CNTN4: variants seen among roughly 807,000 people sequenced by gnomAD.
The protein encoded by CNTN4 is contactin 4.
A neutral mutation model predicts 122.5 loss-of-function variants in CNTN4; 77 were observed. That is an observed-to-expected ratio of 0.63 (90% confidence interval 0.52 to 0.76). The LOEUF (loss-of-function observed/expected upper bound fraction) is 0.76. CNTN4 is among the 30% of genes least tolerant of loss of function. CNTN4 has a pLI of 0.00. For synonymous variants in CNTN4, 512 were observed against 447.0 expected, an observed-to-expected ratio of 1.15 and a Z score of -1.83; for missense variants, 1,256 against 1,259.1, an observed-to-expected ratio of 1.00 and a Z score of 0.04.
chr3:2,693,562 G>T (rs975660326), intron 4 of CNTN4, among the ~76,000 whole-genome samples: 4 of 152,180 alleles, frequency 2.6e-5, no homozygotes, highest in African/African-American at 9.7e-5. Flanking sequence ...GCACCTAGCA[G>T]TGTCTGTTCA....
At chr3:2,647,219 A>G (rs113861645) in intron 4 of CNTN4, among the ~76,000 whole-genome samples, 394 of 152,072 alleles carry the variant, frequency 2.6e-3, no homozygotes, top group Non-Finnish European at 4.7e-3. Context: ...CGTCCCTACT[A>G]AAAATACAAA....
intron 12 of CNTN4, among the ~76,000 whole-genome samples, chr3:2,915,724 AG>A (rs1159091481): frequency 3.3e-5 from 5 of 152,230 alleles, no homozygotes; most frequent in Non-Finnish European, 7.3e-5. Flanking sequence ...AACTGAAAAC[AG>A]CATCCTGAAG....
chr3:2,220,767 A>G (rs987827183), intron 2 of CNTN4, among the ~76,000 whole-genome samples: 5 of 152,102 alleles, frequency 3.3e-5, no homozygotes, highest in Admixed American at 2.6e-4. Flanking sequence ...ATAAATGCCA[A>G]TTACCATCAA....
chr3:2,218,995 A>G (rs1421478842), intron 2 of CNTN4, among the ~76,000 whole-genome samples: 1 of 152,222 alleles, frequency 6.6e-6, no homozygotes, highest in African/African-American at 2.4e-5. Flanking sequence ...AGGTTTCAAG[A>G]AACGATAAGC....
chr3:2,200,314 G>A lies in CNTN4; in HGVS notation c.-145+99675G>A, dbSNP rs200436829. On this transcript the variant is annotated intron_variant, in intron 2 of 24. Transcript: ENST00000418658. ...GAAATCAAAGTCTTAGTAAACTTTG[G>A]TAAGTCACTTAAATATTTCTAGTAA... Among the ~76,000 whole-genome samples, 36 of 152,272 alleles carry A rather than the reference G, an allele frequency of 2.4e-4. No homozygotes were observed. In the East Asian group the frequency reaches 4.6e-3, roughly 20 times the overall value.
intron 4 of CNTN4, among the ~76,000 whole-genome samples, chr3:2,658,631 G>A (rs7637377): frequency 0.21 from 32,122 of 151,972 alleles, 5,283 homozygotes; most frequent in African/African-American, 0.46. Context: ...CAAACCATGA[G>A]CATTTGTACC....
intron 2 of CNTN4, among the ~76,000 whole-genome samples, chr3:2,338,480 C>T (rs1388512331): frequency 1.3e-5 from 2 of 151,678 alleles, no homozygotes; most frequent in East Asian, 1.9e-4. Context: ...GTTATTAAAA[C>T]TATAAGACAG....
chr3:2,747,450 C>G (rs1308815879), intron 6 of CNTN4, among the ~76,000 whole-genome samples: 1 of 138,066 alleles, frequency 7.2e-6, no homozygotes, highest in South Asian at 2.5e-4. Context: ...AAATACTATA[C>G]CCAAACTTCT....
chr3:2,701,518 A>G (rs2086358033), intron 4 of CNTN4, among the ~76,000 whole-genome samples: 1 of 152,202 alleles, frequency 6.6e-6, no homozygotes, highest in African/African-American at 2.4e-5. Flanking sequence ...CTGAAGATCC[A>G]CTTATCCAAT....
At position 3,008,885 on chromosome 3, in the gene CNTN4, G is replaced by C. The variant is rs1696904799; in HGVS notation, c.1487-17217G>C. 4.3e-6 allele frequency: 4 copies of C among 926,964 alleles called. No homozygotes were observed. The African/African-American group carries it at 7.1e-5, about 17-fold the overall frequency. The allele number at this position is 926,964 out of a possible 1,614,324, so 57.4% of individuals were successfully genotyped here. ...GGCATTCGGGTTTCCCATTGTCCTC[G>C]GCATTCTAGGGCAAACCACCAAGAT... On this transcript the variant is annotated intron_variant, in intron 14 of 24. Coordinates refer to ENST00000418658, the MANE Select transcript of CNTN4 (RefSeq NM_175607.3).
intron 2 of CNTN4, among the ~76,000 whole-genome samples, chr3:2,323,522 C>T (rs551091116): frequency 1.3e-5 from 2 of 152,258 alleles, no homozygotes; most frequent in African/African-American, 2.4e-5. Context: ...TCTTCCATTG[C>T]TTGTAGCTCT....
intron 2 of CNTN4, among the ~76,000 whole-genome samples, chr3:2,183,210 G>T (rs1290360253): frequency 6.6e-6 from 1 of 151,822 alleles, no homozygotes; most frequent in Non-Finnish European, 1.5e-5. Flanking sequence ...TACATGATAT[G>T]ACAGCCGTGA....
intron 6 of CNTN4, among the ~76,000 whole-genome samples, chr3:2,815,481 A>G (rs1043849138): frequency 2.0e-5 from 3 of 152,190 alleles, no homozygotes; most frequent in Non-Finnish European, 4.4e-5. Flanking sequence ...GCCAAAAAAC[A>G]TAGGAAAAAT....
chr3:2,108,251 G>A (rs1196174407), intron 2 of CNTN4, among the ~76,000 whole-genome samples: 1 of 144,870 alleles, frequency 6.9e-6, no homozygotes, highest in Non-Finnish European at 1.5e-5. Context: ...GTTTATTACA[G>A]TTTGCACAAT....
At chr3:2,870,390 G>A (rs2093771105) in intron 8 of CNTN4, among the ~76,000 whole-genome samples, 1 of 152,172 alleles carries the variant, frequency 6.6e-6, no homozygotes, top group African/African-American at 2.4e-5. Context: ...TTACACTGGA[G>A]TATATAAAAT....
chr3:2,866,896 T>C lies in CNTN4; in HGVS notation c.599T>C (p.Val200Ala). The change falls in exon 8 of 25, where the codon GTG becomes GCG. Residue 200 changes from valine (V) to alanine (A), a missense_variant. Transcript: ENST00000418658. The stretch of plus-strand genomic sequence containing the variant: ...TATACCTGTGTGGTTACCAATACCG[T>C]GACAAACCACAAGGTCCTGGGGCCA... ...GNYTCVVTNT[V>A]TNHKVLGPPT... 3 of 1,614,072 alleles carry C rather than the reference T, an allele frequency of 1.9e-6. No individual in the cohort carries two copies. Among genetic ancestry groups the C allele is most frequent in the Non-Finnish European group, 2.5e-6 (3 of 1,179,952 alleles).
chr3:2,191,223 C>G (rs1313525420), intron 2 of CNTN4, among the ~76,000 whole-genome samples: 1 of 151,500 alleles, frequency 6.6e-6, no homozygotes, highest in Non-Finnish European at 1.5e-5. Context: ...CACGTGGAAC[C>G]ATGCCCAACT....
At chr3:2,321,567 C>A (rs1010349950) in intron 2 of CNTN4, among the ~76,000 whole-genome samples, 1 of 151,758 alleles carries the variant, frequency 6.6e-6, no homozygotes, top group Non-Finnish European at 1.5e-5. Flanking sequence ...CTTGGGTTTT[C>A]AGTACTATTA....
rs763249783 is a variant in CNTN4 at position 2,551,119 on chromosome 3, C to T, written c.-88-20297C>T. Among the ~76,000 whole-genome samples, 12 of 151,942 alleles carry T rather than the reference C, an allele frequency of 7.9e-5. No individual in the cohort carries two copies. The East Asian group carries it at 2.1e-3, about 27-fold the overall frequency. ...AATATAATAAAAAAAAAATGCCAGG[C>T]GTAAAGCAAGCAGAATCTGTCAGCT... On this transcript the variant is annotated intron_variant, in intron 3 of 24. Coordinates refer to ENST00000418658, the MANE Select transcript of CNTN4 (RefSeq NM_175607.3).
Sources: allele counts gnomAD v4.1 joint callset (sites outside exome capture counted in the v4.1 genomes callset), GRCh38; gene constraint gnomAD v4.1.1; transcripts MANE v1.5; gene names NCBI Gene and HGNC (gene_info 2026-07-23, HGNC 2026-07-21).